The following NCAM2 variants were observed in gnomAD, a reference collection of about 807,000 sequenced individuals.
NCAM2 encodes neural cell adhesion molecule 2, also known as N-CAM-2.
A neutral mutation model predicts 98.1 loss-of-function variants in NCAM2; 30 were observed. That is an observed-to-expected ratio of 0.31 (90% confidence interval 0.23 to 0.41). NCAM2 has a LOEUF of 0.41. Among genes scored for constraint, NCAM2 ranks in the 10% least tolerant of loss-of-function variants. The pLI is 1.00. For synonymous variants in NCAM2, 368 were observed against 342.4 expected (o/e 1.07, Z -0.83); for missense variants, 867 against 1,005.8 (o/e 0.86, Z 1.87).
At chr21:21,373,766 C>T in intron 8 of NCAM2, 97 bp from the exon 9 acceptor site, 3 of 1,075,024 alleles carry the variant, frequency 2.8e-6, no homozygotes, top group South Asian at 4.7e-5. Flanking sequence ...TTCTTTTTGC[C>T]AGAGAAACAT....
intron 15 of NCAM2, among the ~76,000 whole-genome samples, chr21:21,487,341 G>T (rs1191121609): frequency 1.3e-5 from 2 of 151,960 alleles, no homozygotes; most frequent in Non-Finnish European, 2.9e-5. Context: ...TGGTAAGCAA[G>T]ACATAAAAAT....
rs138596452 is a variant in NCAM2 at position 21,491,525 on chromosome 21, C to G, written c.2077+14054C>G. On this transcript the variant is annotated intron_variant, in intron 15 of 17. Coordinates refer to ENST00000400546, the MANE Select transcript of NCAM2 (RefSeq NM_004540.5). ...AGTAAGTTGAAATTTTGGAATAATA[C>G]TATAAGTAATATAAAAATTATTTAA... is the stretch of plus-strand genomic sequence containing the variant. Among the ~76,000 whole-genome samples the G allele has an allele frequency of 4.5e-3, 680 of 151,566 alleles. 3 individuals carry two copies. Among genetic ancestry groups the G allele is most frequent in the African/African-American group, 0.016 (654 of 41,450 alleles).
chr21:21,390,798 C>G (rs2076364283), intron 9 of NCAM2, among the ~76,000 whole-genome samples: 1 of 152,082 alleles, frequency 6.6e-6, no homozygotes, highest in African/African-American at 2.4e-5. Context: ...ATATTACATT[C>G]TAGGTATAAT....
At chr21:21,102,170 A>G (rs2066255943) in intron 1 of NCAM2, among the ~76,000 whole-genome samples, 1 of 152,072 alleles carries the variant, frequency 6.6e-6, no homozygotes, top group South Asian at 2.1e-4. Context: ...GTGTTAAAAC[A>G]TGACTCTTCA....
intron 1 of NCAM2, among the ~76,000 whole-genome samples, chr21:21,018,263 A>T (rs144442174): frequency 4.6e-5 from 7 of 152,344 alleles, no homozygotes; most frequent in African/African-American, 1.4e-4. Flanking sequence ...TCCATAATTG[A>T]TGATGTTTTC....
chr21:21,402,408 T>A, intron 9 of NCAM2, among the ~76,000 whole-genome samples: 1 of 152,144 alleles, frequency 6.6e-6, no homozygotes, highest in Non-Finnish European at 1.5e-5. Flanking sequence ...TCAGGCTGAC[T>A]AGGATTGGGA....
At chr21:21,237,417 A>G (rs958803048) in intron 1 of NCAM2, among the ~76,000 whole-genome samples, 4 of 152,300 alleles carry the variant, frequency 2.6e-5, no homozygotes, top group African/African-American at 9.6e-5. Flanking sequence ...TTGTAGTATA[A>G]TTATGAACAT....
intron 15 of NCAM2, among the ~76,000 whole-genome samples, chr21:21,505,217 C>T (rs1987907455): frequency 6.6e-6 from 1 of 151,792 alleles, no homozygotes; most frequent in African/African-American, 2.4e-5. Context: ...AATAGGGCTC[C>T]TATATGGTTA....
intron 1 of NCAM2, among the ~76,000 whole-genome samples, chr21:21,265,480 A>C: frequency 7.2e-6 from 1 of 139,392 alleles, no homozygotes; most frequent in Non-Finnish European, 1.5e-5. Context: ...TATATATATT[A>C]TATATACACA....
intron 4 of NCAM2, among the ~76,000 whole-genome samples, chr21:21,287,610 C>A (rs112581847): frequency 4.6e-5 from 7 of 151,838 alleles, no homozygotes; most frequent in African/African-American, 1.7e-4. Context: ...TAATCTTACA[C>A]CTCAAGTGTA....
intron 9 of NCAM2, among the ~76,000 whole-genome samples, chr21:21,393,677 A>G (rs1335195493): frequency 6.6e-6 from 1 of 152,178 alleles, no homozygotes; most frequent in Admixed American, 6.5e-5. Flanking sequence ...ATATATCTAT[A>G]TCACCAGTAA....
chr21:21,376,753 T>G (rs956227107), intron 9 of NCAM2, among the ~76,000 whole-genome samples: 1 of 151,796 alleles, frequency 6.6e-6, no homozygotes, highest in African/African-American at 2.4e-5. Flanking sequence ...CTTTATAAGT[T>G]TAAATATTGG....
In NCAM2 at chr21:21,242,199, A is replaced by T. The variant is rs549858827; in HGVS notation, c.56-38379A>T. On this transcript the variant is annotated intron_variant, in intron 1 of 17. Coordinates refer to ENST00000400546, the MANE Select transcript of NCAM2 (RefSeq NM_004540.5). Reference sequence around the variant, plus strand: ...GTCTGTATTTTTAATTTAACTTTTTATCTTTCAAAAATATTTTAATTGACA... The same window carrying T: ...GTCTGTATTTTTAATTTAACTTTTTTTCTTTCAAAAATATTTTAATTGACA... 8.6e-5 allele frequency among the ~76,000 whole-genome samples: 13 copies of T among 151,872 alleles called. No homozygotes were observed. The East Asian group carries it at 2.5e-3, about 30-fold the overall frequency.
intron 6 of NCAM2, among the ~76,000 whole-genome samples, chr21:21,331,573 A>ATATATATACTCTCTCTCTCTCTCTC (rs1602006571): frequency 2.7e-5 from 1 of 36,908 alleles, no homozygotes; most frequent in African/African-American, 1.2e-4. Context: ...ATATACATAT[A>ATATATATACTCTCTCTCTCTCTCTC]TATATAGAGA....
At chr21:21,422,997 A>G (rs1459654739) in intron 11 of NCAM2, among the ~76,000 whole-genome samples, 1 of 152,180 alleles carries the variant, frequency 6.6e-6, no homozygotes, top group Non-Finnish European at 1.5e-5. Flanking sequence ...CTTTTCTTAA[A>G]AAATCATTAC....
intron 1 of NCAM2, among the ~76,000 whole-genome samples, chr21:21,151,347 T>C (rs1290385125): frequency 1.3e-5 from 2 of 152,098 alleles, no homozygotes. Context: ...ATGTGCCATG[T>C]TGGTGTGCTG....
intron 1 of NCAM2, among the ~76,000 whole-genome samples, chr21:21,008,480 A>G (rs1367568925): frequency 6.6e-6 from 1 of 152,200 alleles, no homozygotes; most frequent in Non-Finnish European, 1.5e-5. Context: ...TGAAAGGTAG[A>G]TAGTATTTCT....
At chr21:21,236,499 G>T (rs1166921867) in intron 1 of NCAM2, among the ~76,000 whole-genome samples, 2 of 151,512 alleles carry the variant, frequency 1.3e-5, no homozygotes, top group Non-Finnish European at 2.9e-5. Context: ...TGCAGTTAGT[G>T]GTCTGCAAAA....
intron 1 of NCAM2, among the ~76,000 whole-genome samples, chr21:21,132,175 A>G (rs556233086): frequency 7.3e-5 from 11 of 151,476 alleles, no homozygotes; most frequent in African/African-American, 2.2e-4. Context: ...TCATCTCCCT[A>G]TCTCTCCCTC....
Sources: gnomAD v4.1 joint callset for allele counts (sites outside exome capture counted in the v4.1 genomes callset) on GRCh38, gnomAD v4.1.1 for gene constraint, MANE v1.5 for transcripts, NCBI Gene and HGNC (gene_info 2026-07-23, HGNC 2026-07-21) for gene names.